Variants in HCN1 observed in about 807,000 individuals in gnomAD.
HCN1 encodes the protein hyperpolarization activated cyclic nucleotide gated potassium channel 1.
A neutral mutation model predicts 78.9 loss-of-function variants in HCN1; 13 were observed. The ratio of observed to expected loss-of-function variants is 0.16; its 90% confidence interval spans 0.11 to 0.26. The LOEUF (loss-of-function observed/expected upper bound fraction) is 0.26, where lower values mean the gene tolerates loss of function less well. Ranked by LOEUF, HCN1 falls within the 10% of genes least tolerant of loss-of-function variation. The probability of loss-of-function intolerance (pLI) is 1.00; values close to 1 mark genes in which losing one functional copy is unlikely to be tolerated. For synonymous variants in HCN1, 552 were observed against 455.5 expected (o/e 1.21, Z -2.70); for missense variants, 810 against 1,154.3 (o/e 0.70, Z 4.32).
At chr5:45,364,773 T>C (rs1501357) in intron 4 of HCN1, among the ~76,000 whole-genome samples, 49,275 of 151,978 alleles carry the variant, frequency 0.32, 10,331 homozygotes, top group African/African-American at 0.58. Context: ...ATATGAGAAT[T>C]TTGTTAACAT....
chr5:45,363,066 A>AAT (rs532428254), intron 4 of HCN1, among the ~76,000 whole-genome samples: 18 of 147,158 alleles, frequency 1.2e-4, no homozygotes, highest in East Asian at 2.0e-4. Flanking sequence ...AAATATACCA[A>AAT]ATATATATAT....
At chr5:45,692,542 T>G (rs1452053560) in intron 1 of HCN1, among the ~76,000 whole-genome samples, 1 of 152,192 alleles carries the variant, frequency 6.6e-6, no homozygotes, top group African/African-American at 2.4e-5. Context: ...CACCCAGTTA[T>G]TTCAAACAGT....
At chr5:45,633,242 T>C (rs944149335) in intron 2 of HCN1, among the ~76,000 whole-genome samples, 5 of 152,014 alleles carry the variant, frequency 3.3e-5, no homozygotes, top group Non-Finnish European at 7.4e-5. Flanking sequence ...GAATGTCTCA[T>C]ATTATATTCT....
intron 2 of HCN1, among the ~76,000 whole-genome samples, chr5:45,538,043 A>C (rs1417802291): frequency 1.3e-5 from 2 of 152,046 alleles, no homozygotes. Context: ...TAAAAAAAAA[A>C]AAACAAATCT....
At chr5:45,412,630 A>G (rs1307161213) in intron 3 of HCN1, among the ~76,000 whole-genome samples, 3 of 152,066 alleles carry the variant, frequency 2.0e-5, no homozygotes, top group Non-Finnish European at 4.4e-5. Flanking sequence ...AATCAATGGC[A>G]ATGTCTCTGG....
chr5:45,338,844 C>T (rs868457720), intron 5 of HCN1, among the ~76,000 whole-genome samples: 1 of 152,144 alleles, frequency 6.6e-6, no homozygotes, highest in Non-Finnish European at 1.5e-5. Context: ...GGTTTTTAGA[C>T]TCAGTGTCAT....
At chr5:45,593,227 C>T (rs868239835) in intron 2 of HCN1, among the ~76,000 whole-genome samples, 1 of 147,812 alleles carries the variant, frequency 6.8e-6, no homozygotes, top group African/African-American at 2.5e-5. Flanking sequence ...CACACACACA[C>T]ACACACAGAC....
intron 2 of HCN1, among the ~76,000 whole-genome samples, chr5:45,479,496 G>A (rs752625940): frequency 6.6e-6 from 1 of 152,184 alleles, no homozygotes; most frequent in Non-Finnish European, 1.5e-5. Context: ...TGTTGGAATA[G>A]TTCAAGCTTC....
intron 6 of HCN1, among the ~76,000 whole-genome samples, chr5:45,296,095 T>C: frequency 6.6e-6 from 1 of 152,120 alleles, no homozygotes; most frequent in East Asian, 1.9e-4. Flanking sequence ...ATAGTGAAAA[T>C]ATGAATGAGA....
intron 2 of HCN1, among the ~76,000 whole-genome samples, chr5:45,493,729 C>T (rs1160179839): frequency 3.3e-5 from 5 of 151,166 alleles, no homozygotes; most frequent in Admixed American, 6.6e-5. Flanking sequence ...TAGGTATATC[C>T]CCCAATGCTA....
intron 2 of HCN1, among the ~76,000 whole-genome samples, chr5:45,556,647 A>C (rs1044956165): frequency 6.6e-6 from 1 of 151,878 alleles, no homozygotes; most frequent in African/African-American, 2.4e-5. Flanking sequence ...TGAATGTTTT[A>C]GTCTCCTCAC....
intron 7 of HCN1, among the ~76,000 whole-genome samples, chr5:45,266,172 C>G (rs1408398935): frequency 6.6e-6 from 1 of 152,160 alleles, no homozygotes; most frequent in Non-Finnish European, 1.5e-5. Flanking sequence ...AATCTTCAAA[C>G]TAGCATAACT....
intron 2 of HCN1, among the ~76,000 whole-genome samples, chr5:45,505,377 G>T (rs887217997): frequency 1.3e-5 from 2 of 152,104 alleles, no homozygotes; most frequent in African/African-American, 2.4e-5. Context: ...CCCATTGCTT[G>T]TTTTTCTCAG....
chr5:45,510,125 A>C (rs1742383634), intron 2 of HCN1, among the ~76,000 whole-genome samples: 1 of 152,112 alleles, frequency 6.6e-6, no homozygotes, highest in Non-Finnish European at 1.5e-5. Context: ...TGGTCTATCC[A>C]AAAAATGGTA....
At chr5:45,570,366 TTC>T (rs1237230145) in intron 2 of HCN1, among the ~76,000 whole-genome samples, 1 of 152,132 alleles carries the variant, frequency 6.6e-6, no homozygotes, top group Non-Finnish European at 1.5e-5. Flanking sequence ...ACTGACACAT[TTC>T]TTTTTTCACC....
At chr5:45,442,676 A>G (rs1740702820) in intron 3 of HCN1, among the ~76,000 whole-genome samples, 1 of 150,924 alleles carries the variant, frequency 6.6e-6, no homozygotes. Context: ...TCTAGGTATC[A>G]TTAGGCATAC....
chr5:45,341,739 AGTGAGAACCT>A (rs769006157), intron 5 of HCN1, among the ~76,000 whole-genome samples: 17 of 152,168 alleles, frequency 1.1e-4, no homozygotes, highest in Non-Finnish European at 2.5e-4. Context: ...CCTGGATGAC[AGTGAGAACCT>A]GTCTCAAGGA....
rs981420105 is a variant in HCN1, at chr5:45,558,809, C to G, written c.849+86376G>C. ...TTAGATACAGGATCTTGCTCTGTCA[C>G]CCAGGCTAGAGTGTGGTGGCATTAT... On this transcript the variant is annotated intron_variant, in intron 2 of 7. Coordinates refer to ENST00000303230, the MANE Select transcript of HCN1 (RefSeq NM_021072.4). 2.6e-5 allele frequency: 4 copies of G among 152,018 alleles called. No homozygotes were observed. The East Asian group carries it at 7.8e-4, about 30-fold the overall frequency. 9.4% of individuals were successfully genotyped at this position (152,018 alleles called of 1,614,324 possible).
chr5:45,578,821 G>T (rs1743999095), intron 2 of HCN1, among the ~76,000 whole-genome samples: 1 of 151,962 alleles, frequency 6.6e-6, no homozygotes, highest in Non-Finnish European at 1.5e-5. Flanking sequence ...CTAGAAAGAA[G>T]AGCAAAGGGA....
Sources: gnomAD v4.1 joint callset for allele counts (sites outside exome capture counted in the v4.1 genomes callset) on GRCh38, gnomAD v4.1.1 for gene constraint, MANE v1.5 for transcripts, NCBI Gene and HGNC (gene_info 2026-07-23, HGNC 2026-07-21) for gene names.